Variants in EFCAB11 observed in about 807,000 individuals in gnomAD.
EFCAB11 encodes the protein EF-hand calcium binding domain 11, also known as EF-hand calcium-binding domain-containing protein 11.
A neutral mutation model predicts 23.0 loss-of-function variants in EFCAB11; 14 were observed. That is an observed-to-expected ratio of 0.61 (90% confidence interval 0.40 to 0.95). The LOEUF (loss-of-function observed/expected upper bound fraction) is 0.95. EFCAB11 is among the 40% of genes least tolerant of loss of function. The pLI is 0.00. For missense variants in EFCAB11, 198 were observed against 195.8 expected (o/e 1.01, Z -0.07); for synonymous variants, 65 against 66.6 (o/e 0.98, Z 0.11).
rs188022553 is a variant in EFCAB11 at position 89,954,425 on chromosome 14, G to A, written c.75+161C>T. 20 of 1,536,760 alleles carry A rather than the reference G, an allele frequency of 1.3e-5. No homozygotes were observed. In the African/African-American group the frequency reaches 2.3e-4, roughly 18 times the overall value. On this transcript the variant is annotated intron_variant, in intron 1 of 5. Coordinates refer to ENST00000316738, the MANE Select transcript of EFCAB11 (RefSeq NM_145231.4). ...GCCGTAGTCCTGGACGGGGAGCCAG[G>A]AGCCCTGCAGCTCCAGGATCAGTCA...
intron 5 of EFCAB11, among the ~76,000 whole-genome samples, chr14:89,815,469 C>T (rs1438540813): frequency 6.6e-6 from 1 of 151,976 alleles, no homozygotes; most frequent in East Asian, 1.9e-4. Context: ...TTCTGTCGCC[C>T]AGGCTGGAGT....
At chr14:89,849,604 C>CTTT (rs1250178518) in intron 5 of EFCAB11, among the ~76,000 whole-genome samples, 6 of 68,766 alleles carry the variant, frequency 8.7e-5, no homozygotes, top group Non-Finnish European at 1.0e-4. Flanking sequence ...ACAAGGAAAT[C>CTTT]TGTTTTTTTT....
chr14:89,811,070 A>G (rs1379794080), intron 5 of EFCAB11, among the ~76,000 whole-genome samples: 1 of 152,078 alleles, frequency 6.6e-6, no homozygotes, highest in Admixed American at 6.6e-5. Flanking sequence ...GACCTGGCTG[A>G]AATCTGAGAA....
intron 5 of EFCAB11, among the ~76,000 whole-genome samples, chr14:89,930,485 G>C (rs1248721507): frequency 3.3e-5 from 5 of 152,062 alleles, no homozygotes; most frequent in African/African-American, 1.2e-4. Flanking sequence ...CATGACCTTG[G>C]AACTAAGTTT....
At chr14:89,870,285 T>A (rs770210944) in intron 5 of EFCAB11, among the ~76,000 whole-genome samples, 4 of 152,328 alleles carry the variant, frequency 2.6e-5, no homozygotes, top group Middle Eastern at 3.4e-3. Context: ...AATTTCATGA[T>A]CTATCTACTA....
At chr14:89,805,270 T>C (rs1885930716) in intron 5 of EFCAB11, among the ~76,000 whole-genome samples, 1 of 152,208 alleles carries the variant, frequency 6.6e-6, no homozygotes, top group African/African-American at 2.4e-5. Flanking sequence ...CCCCAAGCTC[T>C]AGAAGTGGGA....
intron 5 of EFCAB11, among the ~76,000 whole-genome samples, chr14:89,815,748 A>AT (rs1886316445): frequency 1.3e-5 from 2 of 152,088 alleles, no homozygotes. Context: ...TTAGTACTAT[A>AT]TAGATTGCTG....
At chr14:89,885,067 C>A (rs1042873874) in intron 5 of EFCAB11, among the ~76,000 whole-genome samples, 1 of 152,160 alleles carries the variant, frequency 6.6e-6, no homozygotes, top group Non-Finnish European at 1.5e-5. Flanking sequence ...TATTCTGTTA[C>A]AACAGACGGA....
intron 5 of EFCAB11, among the ~76,000 whole-genome samples, chr14:89,915,548 T>C (rs1255328367): frequency 6.6e-6 from 1 of 152,236 alleles, no homozygotes; most frequent in Non-Finnish European, 1.5e-5. Context: ...TCATATTTAA[T>C]TTACGGTGAA....
At chr14:89,825,949 A>G (rs968426738) in intron 5 of EFCAB11, among the ~76,000 whole-genome samples, 1 of 152,178 alleles carries the variant, frequency 6.6e-6, no homozygotes, top group Non-Finnish European at 1.5e-5. Context: ...ACAAATAATC[A>G]TTGATCATCT....
chr14:89,926,793 A>T (rs114746818), intron 5 of EFCAB11, among the ~76,000 whole-genome samples: 2,623 of 152,328 alleles, frequency 0.017, 75 homozygotes, highest in African/African-American at 0.059. Flanking sequence ...TGAACATGAA[A>T]GACAGTGGGG....
intron 5 of EFCAB11, among the ~76,000 whole-genome samples, chr14:89,922,450 A>C (rs1275150383): frequency 6.6e-6 from 1 of 152,094 alleles, no homozygotes; most frequent in Non-Finnish European, 1.5e-5. Context: ...ATAACACAAC[A>C]CCCTTTTTTC....
intron 5 of EFCAB11, among the ~76,000 whole-genome samples, chr14:89,853,026 C>T (rs773717614): frequency 1.2e-4 from 18 of 152,158 alleles, no homozygotes; most frequent in Non-Finnish European, 2.1e-4. Flanking sequence ...TAAGTCTTTC[C>T]ATAGCCTTCA....
intron 5 of EFCAB11, among the ~76,000 whole-genome samples, chr14:89,842,401 C>T (rs1158596060): frequency 1.3e-5 from 2 of 152,108 alleles, no homozygotes; most frequent in South Asian, 2.1e-4. Flanking sequence ...CCAGCCTAGC[C>T]GACAGGCTGA....
intron 5 of EFCAB11, among the ~76,000 whole-genome samples, chr14:89,814,936 G>A (rs1886281481): frequency 2.0e-5 from 3 of 152,266 alleles, no homozygotes; most frequent in South Asian, 4.1e-4. Flanking sequence ...GTAATACACT[G>A]CCAACTCAAA....
chr14:89,837,073 GA>G (rs1490458879), intron 5 of EFCAB11: 1 of 456,840 alleles, frequency 2.2e-6, no homozygotes, highest in Non-Finnish European at 4.4e-6. Context: ...CAGCTGCTAA[GA>G]GGCCAGAGGA....
chr14:89,917,076 GTGTGTGTGTGTGTGTGTGTGTA>G (rs1322333838), intron 5 of EFCAB11, among the ~76,000 whole-genome samples: 17 of 138,404 alleles, frequency 1.2e-4, no homozygotes, highest in African/African-American at 5.8e-4. Context: ...GTGTGTGTGT[GTGTGTGTGTGTGTGTGTGTGTA>G]TGTGTGTGTT....
At chr14:89,941,406 T>A (rs1325935675) in intron 3 of EFCAB11, among the ~76,000 whole-genome samples, 1 of 152,132 alleles carries the variant, frequency 6.6e-6, no homozygotes, top group Non-Finnish European at 1.5e-5. Context: ...ATTAGGAGTA[T>A]GACCCATGGC....
At chr14:89,949,480 T>TATTATTTAA (rs1314778245) in intron 3 of EFCAB11, among the ~76,000 whole-genome samples, 2 of 152,156 alleles carry the variant, frequency 1.3e-5, no homozygotes, top group Non-Finnish European at 1.5e-5. Flanking sequence ...TTCTCCTGCA[T>TATTATTTAA]CAGTCTCCAG....
Sources: allele counts gnomAD v4.1 joint callset (sites outside exome capture counted in the v4.1 genomes callset), GRCh38; gene constraint gnomAD v4.1.1; transcripts MANE v1.5; gene names NCBI Gene and HGNC (gene_info 2026-07-23, HGNC 2026-07-21).